MYO9B: variants seen among roughly 807,000 people sequenced by gnomAD.
MYO9B encodes unconventional myosin-IXb.
MYO9B carries 71 observed loss-of-function variants against 229.5 expected under a neutral mutation model. The ratio of observed to expected loss-of-function variants is 0.31; its 90% CI spans 0.26 to 0.38. MYO9B has a LOEUF of 0.38. Among genes scored for constraint, MYO9B ranks in the 10% least tolerant of loss-of-function variants. The probability of loss-of-function intolerance (pLI) is 1.00; values close to 1 mark genes in which losing one functional copy is unlikely to be tolerated. For missense variants in MYO9B, 2,255 were observed against 2,920.5 expected (o/e 0.77, Z 5.25); for synonymous variants, 1,185 against 1,235.8 (o/e 0.96, Z 0.86).
chr19:17,202,367 TTA>T (rs2073116457), intron 28 of MYO9B, 64 bp downstream of exon 28: 2 of 1,438,462 alleles, frequency 1.4e-6, no homozygotes, highest in East Asian at 5.4e-5. Flanking sequence ...CTCGCCATCC[TTA>T]GCCACGCCCA....
At chr19:17,107,591 G>A (rs2057804508) in intron 2 of MYO9B, among the ~76,000 whole-genome samples, 1 of 152,212 alleles carries the variant, frequency 6.6e-6, no homozygotes, top group African/African-American at 2.4e-5. Flanking sequence ...CTGAAATCAA[G>A]GTGTCCACGG....
chr19:17,164,984 C>A (rs1445992874), intron 10 of MYO9B, among the ~76,000 whole-genome samples: 1 of 152,088 alleles, frequency 6.6e-6, no homozygotes, highest in African/African-American at 2.4e-5. Flanking sequence ...ACCACCACAG[C>A]CCCCTGAGTA....
intron 17 of MYO9B, among the ~76,000 whole-genome samples, chr19:17,185,585 ATCC>A (rs1405024516): frequency 6.6e-6 from 1 of 151,806 alleles, no homozygotes; most frequent in African/African-American, 2.4e-5. Flanking sequence ...AAAACACTAC[ATCC>A]GTGGTCCCTT....
At chr19:17,077,598 C>T (rs1301629028) in intron 1 of MYO9B, among the ~76,000 whole-genome samples, 5 of 152,170 alleles carry the variant, frequency 3.3e-5, no homozygotes. Context: ...GAGATCCTGG[C>T]TTTGGTCAAG....
intron 35 of MYO9B, 101 bp downstream of exon 35, chr19:17,207,345 T>A (rs2073174225): frequency 1.4e-6 from 2 of 1,470,648 alleles, no homozygotes; most frequent in Non-Finnish European, 9.2e-7. Context: ...GTAAGAAAAG[T>A]CCAGAGCCGA....
At chr19:17,119,157 G>T (rs778456811) in intron 2 of MYO9B, among the ~76,000 whole-genome samples, 1 of 152,136 alleles carries the variant, frequency 6.6e-6, no homozygotes, top group African/African-American at 2.4e-5. Context: ...GATCTCTCAC[G>T]CCCCAGGGCC....
At chr19:17,139,229 G>A (rs891625737) in intron 2 of MYO9B, among the ~76,000 whole-genome samples, 1 of 151,976 alleles carries the variant, frequency 6.6e-6, no homozygotes, top group East Asian at 1.9e-4. Context: ...CTACAAACCT[G>A]TACAGCATGT....
intron 18 of MYO9B, among the ~76,000 whole-genome samples, chr19:17,187,550 T>C (rs1332449602): frequency 2.7e-5 from 4 of 150,582 alleles, no homozygotes; most frequent in East Asian, 4.0e-4. Context: ...GTTCTTTTTT[T>C]TTTTCTTTTC....
intron 34 of MYO9B, 150 bp downstream of exon 34, chr19:17,206,934 C>G: frequency 8.1e-7 from 1 of 1,232,192 alleles, no homozygotes; most frequent in South Asian, 1.3e-5. Flanking sequence ...GGGGGCCAGG[C>G]TGCTGGGCCG....
In MYO9B at chr19:17,192,637, C is replaced by T. The variant is rs1599411539; in HGVS notation, c.2812-109C>T. ...ATAAATAAATAAAGCCCTGGTTGGT[C>T]AGCACACCAGCCTAGGTCTCACTCT... On this transcript the variant is annotated intron_variant, in intron 20 of 39. Coordinates refer to ENST00000682292, the MANE Select transcript of MYO9B (RefSeq NM_004145.4). 5.1e-6 allele frequency: 4 copies of T among 790,438 alleles called. No individual in the cohort carries two copies. In the South Asian group the frequency reaches 9.2e-5, roughly 18 times the overall value. The allele number at this position is 790,438 out of a possible 1,614,324, so 49.0% of individuals were successfully genotyped here.
Position 17,212,335 on chromosome 19 carries a change from T to C in MYO9B, c.*25T>C, listed in dbSNP as rs770604769. ...AGAGCCACAGCTGACAAAGTCTGCA[T>C]GTCCGAGGACGGCCCCTGCACTGGA... On this transcript the variant is annotated 3_prime_UTR_variant, in exon 40 of 40. Transcript: ENST00000682292. This position sits in a 1 kb window ranked among gnomAD's most constrained non-coding sequence, Gnocchi z 5.4. 4.1e-6 allele frequency: 6 copies of C among 1,455,774 alleles called. No homozygotes were observed. In the Admixed American group the frequency reaches 1.4e-4, roughly 33 times the overall value. The allele number at this position is 1,455,774 out of a possible 1,614,324, so 90.2% of individuals were successfully genotyped here.
intron 8 of MYO9B, among the ~76,000 whole-genome samples, chr19:17,161,714 G>T (rs1428455236): frequency 6.6e-6 from 1 of 152,090 alleles, no homozygotes; most frequent in Non-Finnish European, 1.5e-5. Flanking sequence ...TACTCAGAAG[G>T]CTGAGGCTGG....
chr19:17,125,449 G>A (rs909798039), intron 2 of MYO9B, among the ~76,000 whole-genome samples: 5 of 152,250 alleles, frequency 3.3e-5, no homozygotes, highest in Middle Eastern at 3.4e-3. Context: ...ACGTGGTTTC[G>A]TGATAACCTA....
At chr19:17,134,804 C>T (rs1385623504) in intron 2 of MYO9B, among the ~76,000 whole-genome samples, 4 of 152,038 alleles carry the variant, frequency 2.6e-5, no homozygotes, top group Non-Finnish European at 5.9e-5. Flanking sequence ...TGCTTTGTTG[C>T]TCAGGTCGGA....
At chr19:17,116,209 G>T (rs1224609264) in intron 2 of MYO9B, among the ~76,000 whole-genome samples, 1 of 152,168 alleles carries the variant, frequency 6.6e-6, no homozygotes, top group African/African-American at 2.4e-5. Flanking sequence ...TGCCTGCAGG[G>T]CGCACAGTCT....
rs564606926 is a variant in MYO9B, at chr19:17,096,291, G to A, written c.-58-5369G>A. Among the ~76,000 whole-genome samples, 8 of 152,246 alleles carry A rather than the reference G, an allele frequency of 5.3e-5. No homozygotes were observed. The East Asian group carries it at 1.5e-3, about 29-fold the overall frequency. ...TCTCGACATCTGCTTCATTTCTCCT[G>A]AGTAACTCCTGAGAGGGGAATTGCA... On this transcript the variant is annotated intron_variant, in intron 1 of 39. Coordinates refer to ENST00000682292, the MANE Select transcript of MYO9B (RefSeq NM_004145.4).
chr19:17,106,300 G>A (rs1183888564), intron 2 of MYO9B, among the ~76,000 whole-genome samples: 2 of 152,044 alleles, frequency 1.3e-5, no homozygotes, highest in East Asian at 1.9e-4. Flanking sequence ...TACCCAGACC[G>A]CCCGTTCATT....
chr19:17,181,039 CTG>C lies in MYO9B; in HGVS notation c.2333+2_2333+3del, dbSNP rs2072854071. The C allele has an allele frequency of 6.2e-7, 1 of 1,601,768 alleles. No individual in the cohort carries two copies. The highest frequency in any genetic ancestry group is 8.5e-7 in the Non-Finnish European group (1 of 1,172,044). ...GCTCCAGAAACCCCGCGCCTTCATC[CTG>C]TGAGTCCCCCACCAAGGCCCTGCTT... On this transcript the variant is annotated splice_donor_variant and coding_sequence_variant, in exon 15 of 40. Transcript: ENST00000682292. LOFTEE classifies it high-confidence loss of function.
intron 1 of MYO9B, among the ~76,000 whole-genome samples, chr19:17,097,536 A>G (rs184403315): frequency 3.1e-4 from 47 of 152,326 alleles, no homozygotes; most frequent in Non-Finnish European, 5.4e-4. Context: ...TATACAGTAT[A>G]TATCTATTTC....
Sources: allele counts gnomAD v4.1 joint callset (sites outside exome capture counted in the v4.1 genomes callset), GRCh38; gene constraint gnomAD v4.1.1; non-coding constraint Gnocchi (gnomAD v3.1); transcripts MANE v1.5; gene names NCBI Gene and HGNC (gene_info 2026-07-23, HGNC 2026-07-21).